Variants in CAB39 observed in about 807,000 individuals in gnomAD.
CAB39 encodes the protein calcium binding protein 39.
A neutral mutation model predicts 40.0 loss-of-function variants in CAB39; 8 were observed. That is an observed-to-expected ratio of 0.20 (90% CI 0.12 to 0.36). The LOEUF (loss-of-function observed/expected upper bound fraction) is 0.36, where lower values mean the gene tolerates loss of function less well. Ranked by LOEUF, CAB39 falls within the 10% of genes least tolerant of loss-of-function variation. The pLI, the probability that CAB39 is intolerant of heterozygous loss-of-function variation, is 1.00. For missense variants in CAB39, 270 were observed against 401.1 expected, an observed-to-expected ratio of 0.67 and a Z score of 2.79; for synonymous variants, 156 against 141.6, an observed-to-expected ratio of 1.10 and a Z score of -0.72.
chr2:230,784,800 G>A lies in CAB39; in HGVS notation c.115-6072G>A, dbSNP rs931841879. Among the ~76,000 whole-genome samples the A allele has an allele frequency of 2.6e-5, 4 of 152,130 alleles. 1 individual carries two copies. Among genetic ancestry groups the A allele is most frequent in the Admixed American group, 2.6e-4 (4 of 15,276 alleles). On this transcript the variant is annotated intron_variant, in intron 2 of 8. Transcript: ENST00000258418. ...GAGAGCTTTACTTTCTGCAGAAAGGGTGCTACTCAATAGTTGTCTGGCCAC... is the reference window on the plus strand; with the variant it reads ...GAGAGCTTTACTTTCTGCAGAAAGGATGCTACTCAATAGTTGTCTGGCCAC...
chr2:230,725,431 G>A, intron 1 of CAB39: 1 of 1,562,162 alleles, frequency 6.4e-7, no homozygotes, highest in African/African-American at 1.4e-5. Context: ...CGCAACTTCA[G>A]TTCCCGTAAC....
chr2:230,788,876 G>GTCT (rs2124954447), intron 2 of CAB39, among the ~76,000 whole-genome samples: 1 of 152,182 alleles, frequency 6.6e-6, no homozygotes, highest in Non-Finnish European at 1.5e-5. Context: ...CCTTGGTATT[G>GTCT]TCTTCTTGTT....
In CAB39 at chr2:230,793,323, A is replaced by G; in HGVS notation, c.390A>G (p.Leu130=). 2 of 1,530,146 alleles carry G rather than the reference A, an allele frequency of 1.3e-6. No individual in the cohort carries two copies. Among genetic ancestry groups the G allele is most frequent in the Non-Finnish European group, 1.8e-6 (2 of 1,105,206 alleles). 94.8% of individuals were successfully genotyped at this position (1,530,146 alleles called of 1,614,324 possible). A position where few individuals can be genotyped will look rare whatever the true frequency, so the allele number is the denominator to read the frequency against. ...CCCAACAGAATATTTTGTTCATGTT[A>G]TTGAAAGGGTATGTACAATGTAATA... ...ICTQQNILFM[L]LKGYESPEIA... Residue 130 remains leucine, a synonymous_variant, in exon 4 of 9, where the codon TTA becomes TTG. Transcript: ENST00000258418.
In CAB39 at chr2:230,798,867, C is replaced by T. The variant is rs775824035; in HGVS notation, c.537C>T (p.Asp179=). Residue 179 remains aspartate, a synonymous_variant, in exon 5 of 9, where the codon GAC becomes GAT. Transcript: ENST00000258418. ...GATATGTCGAAATGTCAACATTTGA[C>T]ATAGCTTCAGATGCATTTGCCACAT... The part of the protein sequence containing the change: ...FFRYVEMSTF[D]IASDAFATFK... 39 of 1,603,404 alleles carry T rather than the reference C, an allele frequency of 2.4e-5. 1 individual carries two copies. In the South Asian group the frequency reaches 4.0e-4, roughly 17 times the overall value.
intron 1 of CAB39, among the ~76,000 whole-genome samples, chr2:230,757,450 C>G (rs1437928214): frequency 1.3e-5 from 2 of 152,130 alleles, no homozygotes; most frequent in Non-Finnish European, 2.9e-5. Context: ...AAAATCTTAG[C>G]TGGCTGGTAT....
chr2:230,716,139 G>A lies in CAB39; in HGVS notation c.-44+2909G>A, dbSNP rs185850954. ...AAGATCTCTGTTTCTGTTTCATCAC[G>A]TATGAAGTAAGATGCTGAGTAAGGC... On this transcript the variant is annotated intron_variant, in intron 1 of 8. Transcript: ENST00000258418. 3.9e-5 allele frequency among the ~76,000 whole-genome samples: 6 copies of A among 152,204 alleles called. No individual in the cohort carries two copies. In the East Asian group the frequency reaches 9.6e-4, roughly 24 times the overall value.
chr2:230,818,657 G>C lies in CAB39; in HGVS notation c.979G>C (p.Val327Leu), dbSNP rs376225174. The C allele has an allele frequency of 6.8e-6, 11 of 1,614,044 alleles. No individual in the cohort carries two copies. The highest frequency in any genetic ancestry group is 9.3e-6 in the Non-Finnish European group (11 of 1,180,016). Reference protein sequence around the residue: ...EQFNDEKTYLVKQIRDLKRPA... With the variant: ...EQFNDEKTYLLKQIRDLKRPA... ...GTTTAACGACGAGAAGACCTATTTA[G>C]TTAAACAGATCAGGGATTTGAAGAG... The change falls in exon 9 of 9, where the codon GTT becomes CTT. Residue 327 changes from valine to leucine, a missense_variant. Coordinates refer to ENST00000258418, the MANE Select transcript of CAB39 (RefSeq NM_016289.4).
chr2:230,772,776 C>T (rs996016853), intron 2 of CAB39, among the ~76,000 whole-genome samples: 15 of 152,070 alleles, frequency 9.9e-5, no homozygotes, highest in Non-Finnish European at 2.1e-4. Context: ...TGAGACACCA[C>T]GCCTGGCCTA....
chr2:230,770,198 A>G (rs1255439627), intron 2 of CAB39, among the ~76,000 whole-genome samples: 2 of 152,194 alleles, frequency 1.3e-5, no homozygotes, highest in Non-Finnish European at 2.9e-5. Flanking sequence ...GAAAAAAAAA[A>G]TTAAAAGATC....
At chr2:230,748,499 T>A (rs1156756162) in intron 1 of CAB39, among the ~76,000 whole-genome samples, 1 of 152,108 alleles carries the variant, frequency 6.6e-6, no homozygotes, top group Admixed American at 6.6e-5. Context: ...CCTAGTTCCA[T>A]TATTTCATTA....
At chr2:230,811,255 A>G (rs1035665093) in intron 6 of CAB39, among the ~76,000 whole-genome samples, 2 of 152,136 alleles carry the variant, frequency 1.3e-5, no homozygotes, top group African/African-American at 4.8e-5. Context: ...GTTCAAATAC[A>G]TTCTGAGATT....
At chr2:230,816,831 A>G (rs1025837497) in intron 7 of CAB39, among the ~76,000 whole-genome samples, 3 of 152,208 alleles carry the variant, frequency 2.0e-5, no homozygotes, top group Admixed American at 6.5e-5. Flanking sequence ...AACGTGCTCA[A>G]GATTACAGAG....
intron 1 of CAB39, among the ~76,000 whole-genome samples, chr2:230,757,490 C>A (rs574972836): frequency 6.6e-6 from 1 of 152,266 alleles, no homozygotes; most frequent in African/African-American, 2.4e-5. Flanking sequence ...TATGTCATGC[C>A]TCCCCTTGCC....
At chr2:230,806,274 C>T (rs545056793) in intron 5 of CAB39, among the ~76,000 whole-genome samples, 6 of 152,178 alleles carry the variant, frequency 3.9e-5, no homozygotes, top group East Asian at 1.9e-4. Context: ...AGTCAGACTG[C>T]GGACCCAGGC....
chr2:230,773,314 A>ATATATATATATATG (rs371297550), intron 2 of CAB39, among the ~76,000 whole-genome samples: 1 of 132,632 alleles, frequency 7.5e-6, no homozygotes, highest in African/African-American at 3.1e-5. Flanking sequence ...ATATATATAT[A>ATATATATATATATG]TGTGTGTGTG....
chr2:230,741,774 GTTATAC>G (rs1694881407), intron 1 of CAB39, among the ~76,000 whole-genome samples: 1 of 152,170 alleles, frequency 6.6e-6, no homozygotes, highest in Admixed American at 6.5e-5. Flanking sequence ...TTTATGTAAT[GTTATAC>G]TTATTCAACG....
At chr2:230,789,257 A>G (rs1011368496) in intron 2 of CAB39, among the ~76,000 whole-genome samples, 1 of 152,134 alleles carries the variant, frequency 6.6e-6, no homozygotes, top group Non-Finnish European at 1.5e-5. Flanking sequence ...TCTACTTAAC[A>G]TGGTACATGT....
intron 1 of CAB39, among the ~76,000 whole-genome samples, chr2:230,734,361 T>C (rs1694747891): frequency 6.6e-6 from 1 of 152,188 alleles, no homozygotes; most frequent in South Asian, 2.1e-4. Context: ...ATCATGGAAC[T>C]TCAGCCTTTG....
chr2:230,801,308 A>T (rs1559615614), intron 5 of CAB39, among the ~76,000 whole-genome samples: 1 of 152,190 alleles, frequency 6.6e-6, no homozygotes, highest in African/African-American at 2.4e-5. Flanking sequence ...TCAGGGAAGA[A>T]AGGAAGACCA....
Sources: gnomAD v4.1 joint callset for allele counts (sites outside exome capture counted in the v4.1 genomes callset) on GRCh38, gnomAD v4.1.1 for gene constraint, MANE v1.5 for transcripts, NCBI Gene and HGNC (gene_info 2026-07-23, HGNC 2026-07-21) for gene names.